Variants in NLGN4Y observed in about 807,000 individuals in gnomAD.
NLGN4Y encodes neuroligin-4, Y-linked.
NLGN4Y carries 4 observed loss-of-function variants against 8.4 expected under a neutral mutation model. That is an observed-to-expected ratio of 0.48 (90% CI 0.23 to 1.09). NLGN4Y has a LOEUF of 1.09. Ranked by LOEUF, NLGN4Y falls within the 50% of genes least tolerant of loss-of-function variation. The pLI is 0.19. For missense variants in NLGN4Y, 90 were observed against 192.3 expected (o/e 0.47, Z 3.15); for synonymous variants, 35 against 75.6 (o/e 0.46, Z 2.78).
At chrY:14,587,284 T>C (rs2080344964) in intron 1 of NLGN4Y, among the ~76,000 whole-genome samples, 1 of 33,955 alleles carries the variant, frequency 2.9e-5, no homozygotes, top group Non-Finnish European at 7.3e-5. Context: ...CAGAACTAGT[T>C]TTGATAACCT....
At chrY:14,568,615 C>T in intron 1 of NLGN4Y, among the ~76,000 whole-genome samples, 1 of 32,926 alleles carries the variant, frequency 3.0e-5, no homozygotes, top group Non-Finnish European at 7.4e-5. Flanking sequence ...AATGTAATAG[C>T]ACTTGAGGAA....
At position 14,841,200 on chromosome Y, in the gene NLGN4Y, A is replaced by G; in HGVS notation, c.2449A>G (p.Thr817Ala). 1 of 398,311 alleles carries G rather than the reference A, an allele frequency of 2.5e-6. No homozygotes were observed. Among genetic ancestry groups the G allele is most frequent in the Non-Finnish European group, 3.5e-6 (1 of 283,358 alleles). ...GATGCAGCCTTTACACACTTTTAAA[A>G]CCTTCAGTGGAGGACAAAACAGTAC... ...MGMQPLHTFK[T>A]FSGGQNSTNL... is the part of the protein sequence containing the mutation. Residue 817 changes from threonine (T) to alanine (A), a missense_variant, in exon 7 of 7, where the codon ACC becomes GCC. Around this residue, in one of 4 missense-constraint regions of NLGN4Y, gnomAD observed 37 missense variants for 94.0 expected, o/e 0.39. Transcript: ENST00000684976.
chrY:14,608,342 T>C, intron 1 of NLGN4Y, among the ~76,000 whole-genome samples: 7 of 33,723 alleles, frequency 2.1e-4, no homozygotes, highest in Non-Finnish European at 5.2e-4. Flanking sequence ...TTTTCTCTTA[T>C]GGTTAGGTCT....
chrY:14,655,762 G>C, intron 2 of NLGN4Y, among the ~76,000 whole-genome samples: 3 of 33,369 alleles, frequency 9.0e-5, no homozygotes, highest in African/African-American at 2.3e-4. Context: ...TTTGCTTTTT[G>C]ACTGGCTCTG....
chrY:14,628,347 A>G, intron 2 of NLGN4Y, among the ~76,000 whole-genome samples: 1 of 33,994 alleles, frequency 2.9e-5, no homozygotes, highest in Admixed American at 2.7e-4. Flanking sequence ...TTACTTAAGT[A>G]AACATGCCAC....
intron 2 of NLGN4Y, chrY:14,639,336 G>GA: frequency 1.8e-5 from 3 of 171,075 alleles, no homozygotes; most frequent in Non-Finnish European, 3.4e-5. Flanking sequence ...AACTTGATTT[G>GA]AAAAAAATGC....
chrY:14,843,803 G>A lies in NLGN4Y; in HGVS notation c.*2541G>A. 8.2e-6 allele frequency: 1 copy of A among 121,281 alleles called. No individual in the cohort carries two copies. 30.3% of individuals were successfully genotyped at this position (121,281 alleles called of 400,897 possible). On this transcript the variant is annotated 3_prime_UTR_variant, in exon 7 of 7. Transcript: ENST00000684976. Reference sequence around the variant, plus strand: ...CCTAGGCTTTTCCTTGATCTTCAGAGGCACACAGGGTTTAATGGTTCCTTA... The same window carrying A: ...CCTAGGCTTTTCCTTGATCTTCAGAAGCACACAGGGTTTAATGGTTCCTTA...
At chrY:14,562,913 T>C (rs2080237914) in intron 1 of NLGN4Y, among the ~76,000 whole-genome samples, 5 of 34,139 alleles carry the variant, frequency 1.5e-4, no homozygotes, top group African/African-American at 5.7e-4. Flanking sequence ...GAGACTTTGC[T>C]GAAGTTGCTT....
Position 14,729,214 on chromosome Y carries a change from C to T in NLGN4Y, c.685+5945C>T, listed in dbSNP as rs763931215. 1.5e-4 allele frequency among the ~76,000 whole-genome samples: 5 copies of T among 33,519 alleles called. No homozygotes were observed. The East Asian group carries it at 4.0e-3, about 27-fold the overall frequency. The allele number at this position is 33,519 out of a possible 37,273, so 89.9% of individuals were successfully genotyped here. ...CATTGTAGCATGTATCAGTCAGTACCGCATACTGGTTTATGGCTGGATACT... is the reference window on the plus strand; with the variant it reads ...CATTGTAGCATGTATCAGTCAGTACTGCATACTGGTTTATGGCTGGATACT... On this transcript the variant is annotated intron_variant, in intron 4 of 6. Transcript: ENST00000684976.
chrY:14,654,227 T>C (rs2080640679), intron 2 of NLGN4Y, among the ~76,000 whole-genome samples: 1 of 33,442 alleles, frequency 3.0e-5, no homozygotes, highest in Non-Finnish European at 7.4e-5. Flanking sequence ...TTTCTACTAT[T>C]TATTATCTAT....
intron 4 of NLGN4Y, among the ~76,000 whole-genome samples, chrY:14,806,393 T>C (rs2043057337): frequency 3.1e-5 from 1 of 31,893 alleles, no homozygotes; most frequent in Admixed American, 3.0e-4. Flanking sequence ...ATATATATAG[T>C]ATATATGTAT....
intron 4 of NLGN4Y, among the ~76,000 whole-genome samples, chrY:14,762,563 G>A (rs2081083619): frequency 2.9e-5 from 1 of 34,341 alleles, no homozygotes; most frequent in Non-Finnish European, 7.3e-5. Context: ...CATAGGGCTT[G>A]TCTCTGTAAA....
intron 4 of NLGN4Y, among the ~76,000 whole-genome samples, chrY:14,805,065 G>A (rs2043052296): frequency 3.0e-5 from 1 of 33,261 alleles, no homozygotes; most frequent in Non-Finnish European, 7.4e-5. Flanking sequence ...TTGTTCTGAC[G>A]TGTGTTCATG....
At chrY:14,746,464 C>A in intron 4 of NLGN4Y, among the ~76,000 whole-genome samples, 1 of 33,562 alleles carries the variant, frequency 3.0e-5, no homozygotes, top group Non-Finnish European at 7.4e-5. Context: ...CCCCATAAGG[C>A]CTGAATAAGG....
intron 1 of NLGN4Y, among the ~76,000 whole-genome samples, chrY:14,557,384 C>T: frequency 3.0e-5 from 1 of 33,240 alleles, no homozygotes; most frequent in African/African-American, 1.2e-4. Flanking sequence ...GAAGACGCAA[C>T]CTCCCTGTGA....
At chrY:14,730,177 AG>A (rs2080967080) in intron 4 of NLGN4Y, among the ~76,000 whole-genome samples, 1 of 33,062 alleles carries the variant, frequency 3.0e-5, no homozygotes, top group Admixed American at 2.8e-4. Context: ...TGGAAGCCCT[AG>A]GCAGGTGGAT....
intron 4 of NLGN4Y, among the ~76,000 whole-genome samples, chrY:14,810,976 C>T: frequency 3.0e-5 from 1 of 33,325 alleles, no homozygotes; most frequent in African/African-American, 1.2e-4. Flanking sequence ...AAATAGTCTG[C>T]TAGTACTCAT....
At chrY:14,819,239 AT>A (rs2043114073) in intron 4 of NLGN4Y, among the ~76,000 whole-genome samples, 1 of 33,209 alleles carries the variant, frequency 3.0e-5, no homozygotes, top group Non-Finnish European at 7.4e-5. Context: ...CCAGTAGGGA[AT>A]TTGTCCCTTT....
intron 4 of NLGN4Y, among the ~76,000 whole-genome samples, chrY:14,796,635 G>C: frequency 3.2e-5 from 1 of 30,915 alleles, no homozygotes; most frequent in African/African-American, 1.3e-4. Flanking sequence ...TGTACCTGAA[G>C]GACATTATGT....
Sources: gnomAD v4.1 joint callset for allele counts (sites outside exome capture counted in the v4.1 genomes callset) on GRCh38, gnomAD v4.1.1 for gene constraint, gnomAD v4.1.1 regional missense constraint, MANE v1.5 for transcripts, NCBI Gene and HGNC (gene_info 2026-07-23, HGNC 2026-07-21) for gene names.